The following FOXJ3 variants were observed in gnomAD, a reference collection of about 807,000 sequenced individuals.
FOXJ3 encodes the protein forkhead box protein J3.
FOXJ3 carries 22 observed loss-of-function variants against 76.1 expected under a neutral mutation model. The observed-to-expected ratio is 0.29, with a 90% CI of 0.21 to 0.41. The LOEUF (loss-of-function observed/expected upper bound fraction) is 0.41. Ranked by LOEUF, FOXJ3 falls within the 10% of genes least tolerant of loss-of-function variation. The probability of loss-of-function intolerance (pLI) is 1.00; values close to 1 mark genes in which losing one functional copy is unlikely to be tolerated. For missense variants in FOXJ3, 613 were observed against 762.1 expected (o/e 0.80, Z 2.30); for synonymous variants, 269 against 261.2 (o/e 1.03, Z -0.29).
At chr1:42,214,534 C>A (rs981996727) in intron 5 of FOXJ3, among the ~76,000 whole-genome samples, 2 of 152,090 alleles carry the variant, frequency 1.3e-5, no homozygotes, top group Non-Finnish European at 2.9e-5. Flanking sequence ...GTGTGATACC[C>A]CTATAGACCA....
At chr1:42,247,720 A>G (rs1649661610) in intron 4 of FOXJ3, among the ~76,000 whole-genome samples, 1 of 152,226 alleles carries the variant, frequency 6.6e-6, no homozygotes, top group Non-Finnish European at 1.5e-5. Flanking sequence ...CAAAAGATTA[A>G]ACATATGACC....
intron 4 of FOXJ3, among the ~76,000 whole-genome samples, chr1:42,254,966 A>G (rs1262966930): frequency 6.6e-6 from 1 of 152,004 alleles, no homozygotes; most frequent in Non-Finnish European, 1.5e-5. Flanking sequence ...AAGTATAATA[A>G]TAATTTTAAA....
At chr1:42,231,771 G>C (rs537850583) in intron 4 of FOXJ3, among the ~76,000 whole-genome samples, 49 of 152,136 alleles carry the variant, frequency 3.2e-4, no homozygotes, top group African/African-American at 1.1e-3. Flanking sequence ...AAGTAGCTGA[G>C]ACCACAGGTC....
At chr1:42,294,184 T>C (rs1023666289) in intron 2 of FOXJ3, among the ~76,000 whole-genome samples, 4 of 152,206 alleles carry the variant, frequency 2.6e-5, no homozygotes, top group Non-Finnish European at 5.9e-5. Context: ...AATTATCCTC[T>C]CTTGAAATCC....
In FOXJ3 at chr1:42,263,930, CTTTTTTTTT is replaced by C. The variant is rs61375062; in HGVS notation, c.444+1176_444+1184del. On this transcript the variant is annotated intron_variant, in intron 4 of 12. Coordinates refer to ENST00000361346, the MANE Select transcript of FOXJ3 (RefSeq NM_014947.5). ...AAAAGAGACCATATGAGTAGGTTAA[CTTTTTTTTT>C]TTTTTTTTTTTTTTTTTTTGAAGAT... Among the ~76,000 whole-genome samples the C allele has an allele frequency of 3.4e-3, 243 of 71,454 alleles. 2 individuals are homozygous for C. The highest frequency in any genetic ancestry group is 9.0e-3 in the African/African-American group (180 of 20,084). 46.9% of individuals were successfully genotyped at this position (71,454 alleles called of 152,430 possible).
chr1:42,200,413 T>C (rs1001148272), intron 6 of FOXJ3, among the ~76,000 whole-genome samples: 1 of 152,224 alleles, frequency 6.6e-6, no homozygotes, highest in Non-Finnish European at 1.5e-5. Context: ...CAGAGCTTTA[T>C]TGTTTTATCA....
chr1:42,183,536 A>G (rs1646373823), intron 11 of FOXJ3, among the ~76,000 whole-genome samples: 1 of 152,018 alleles, frequency 6.6e-6, no homozygotes, highest in African/African-American at 2.4e-5. Context: ...CTCCTCCAAT[A>G]ACTCATGAGG....
intron 2 of FOXJ3, among the ~76,000 whole-genome samples, chr1:42,285,227 G>A (rs1652975846): frequency 6.6e-6 from 1 of 152,010 alleles, no homozygotes. Flanking sequence ...TATGTATTAA[G>A]CCTGGCATCC....
intron 6 of FOXJ3, among the ~76,000 whole-genome samples, chr1:42,200,625 C>T (rs1006466487): frequency 5.3e-5 from 8 of 152,044 alleles, no homozygotes; most frequent in Admixed American, 2.6e-4. Context: ...ATTACAGATG[C>T]GCGCCACCAT....
At chr1:42,311,133 T>C in intron 1 of FOXJ3, 23 bp from the exon 2 acceptor site, 1 of 1,517,602 alleles carries the variant, frequency 6.6e-7, no homozygotes, top group Non-Finnish European at 9.0e-7. Flanking sequence ...GAAGAGTTAG[T>C]TATCAGATAC....
chr1:42,305,247 G>A (rs189258032), intron 2 of FOXJ3, among the ~76,000 whole-genome samples: 12 of 152,226 alleles, frequency 7.9e-5, no homozygotes, highest in Non-Finnish European at 1.5e-4. Context: ...AATAACAAAT[G>A]CTGGAGAGGA....
intron 2 of FOXJ3, among the ~76,000 whole-genome samples, chr1:42,305,813 C>T (rs1335074447): frequency 2.0e-5 from 3 of 152,068 alleles, no homozygotes; most frequent in Non-Finnish European, 4.4e-5. Flanking sequence ...AACAGGGTGA[C>T]TACAGTCAGT....
intron 4 of FOXJ3, among the ~76,000 whole-genome samples, chr1:42,247,047 A>G (rs907646399): frequency 3.3e-5 from 5 of 152,160 alleles, no homozygotes; most frequent in Non-Finnish European, 4.4e-5. Context: ...CTGGGTGAAA[A>G]TAAGTTTATT....
intron 1 of FOXJ3, among the ~76,000 whole-genome samples, chr1:42,318,930 T>C (rs780709661): frequency 3.2e-4 from 48 of 152,142 alleles, no homozygotes; most frequent in Non-Finnish European, 5.1e-4. Flanking sequence ...TAAATCATAA[T>C]AGCAAAAAAA....
chr1:42,269,543 A>C lies in FOXJ3; in HGVS notation c.370-4354T>G, dbSNP rs1008217394. ...TGATAAATCACTTAAATCTGTCTAG[A>C]TCCAGCACAGACCTTTCTCCTGAGT... On this transcript the variant is annotated intron_variant, in intron 3 of 12. Coordinates refer to ENST00000361346, the MANE Select transcript of FOXJ3 (RefSeq NM_014947.5). 3.7e-4 allele frequency among the ~76,000 whole-genome samples: 57 copies of C among 152,164 alleles called. 1 individual carries two copies. The highest frequency in any genetic ancestry group is 2.7e-3 in the Admixed American group (42 of 15,274).
intron 4 of FOXJ3, among the ~76,000 whole-genome samples, chr1:42,235,016 T>G (rs1278700498): frequency 6.6e-6 from 1 of 152,164 alleles, no homozygotes; most frequent in East Asian, 1.9e-4. Context: ...GTCTACAGAG[T>G]AAGGCAGGCC....
intron 1 of FOXJ3, among the ~76,000 whole-genome samples, chr1:42,333,809 T>TA (rs1463335755): frequency 5.3e-5 from 8 of 151,824 alleles, no homozygotes; most frequent in African/African-American, 1.9e-4. Context: ...AAAAGTGAAG[T>TA]AAAAGAGCTT....
intron 5 of FOXJ3, among the ~76,000 whole-genome samples, chr1:42,218,785 C>A (rs1647121711): frequency 6.6e-6 from 1 of 152,154 alleles, no homozygotes; most frequent in African/African-American, 2.4e-5. Context: ...GCACAATTTG[C>A]CTCCTGCTCC....
intron 4 of FOXJ3, among the ~76,000 whole-genome samples, chr1:42,240,425 A>T (rs1289183990): frequency 6.6e-6 from 1 of 152,228 alleles, no homozygotes; most frequent in Non-Finnish European, 1.5e-5. Context: ...GAAAAAGAAG[A>T]ACTTGGAGGA....
Sources: gnomAD v4.1 joint callset for allele counts (sites outside exome capture counted in the v4.1 genomes callset) on GRCh38, gnomAD v4.1.1 for gene constraint, MANE v1.5 for transcripts, NCBI Gene and HGNC (gene_info 2026-07-23, HGNC 2026-07-21) for gene names.